Variants in KBTBD4 observed in about 807,000 individuals in gnomAD.
The protein encoded by KBTBD4 is kelch repeat and BTB domain containing 4, also known as kelch repeat and BTB domain-containing protein 4.
KBTBD4 carries 30 observed loss-of-function variants against 43.9 expected under a neutral mutation model. That is an observed-to-expected ratio of 0.68 (90% confidence interval 0.51 to 0.93). The LOEUF (loss-of-function observed/expected upper bound fraction) is 0.93. KBTBD4 is among the 40% of genes least tolerant of loss of function. The probability of loss-of-function intolerance (pLI) is 0.00; values close to 1 mark genes in which losing one functional copy is unlikely to be tolerated. For missense variants in KBTBD4, 575 were observed against 668.8 expected (o/e 0.86, Z 1.55); for synonymous variants, 258 against 256.9 (o/e 1.00, Z -0.04).
At chr11:47,578,122 G>A in intron 1 of KBTBD4, 94 bp from the exon 2 acceptor site, 1 of 1,441,640 alleles carries the variant, frequency 6.9e-7, no homozygotes, top group Non-Finnish European at 9.4e-7. Context: ...AGGAAGAAGT[G>A]AGAGCAAAGT....
Position 47,573,756 on chromosome 11 carries a change from C to T in KBTBD4, c.779G>A (p.Gly260Glu), listed in dbSNP as rs2097254243. 5.1e-6 allele frequency: 8 copies of T among 1,583,834 alleles called. No individual in the cohort carries two copies. The highest frequency in any genetic ancestry group is 6.9e-6 in the Non-Finnish European group (8 of 1,165,844). ...CGAGTGGGTACGAGATGACTCTTTCCCAATCAGGTAAATGTGCACATTCTC... is the reference window on the plus strand; with the variant it reads ...CGAGTGGGTACGAGATGACTCTTTCTCAATCAGGTAAATGTGCACATTCTC... ...IGENVHIYLIGKESSRTHSLA... is the reference protein window; with the variant it reads ...IGENVHIYLIEKESSRTHSLA... Residue 260 changes from glycine to glutamate, a missense_variant, in exon 4 of 4, where the codon GGG (glycine) becomes GAG (glutamate). Transcript: ENST00000430070. The surrounding 1 kb of genome is among the most constrained non-coding windows in gnomAD (Gnocchi z 4.1).
chr11:47,578,948 T>G lies in KBTBD4; in HGVS notation c.4A>C (p.Lys2Gln). Residue 2 changes from lysine to glutamine, a missense_variant, in exon 1 of 4, where the codon AAA becomes CAA. Physicochemically the swap from Lys to Gln is moderately conservative, Grantham distance 53. Coordinates refer to ENST00000430070, the MANE Select transcript of KBTBD4 (RefSeq NM_018095.6). ...GCTTTCTCACCTGCGTTCCCTCCTTTCATCCCGGAGCCCGGAACCTCCGCT... is the reference window on the plus strand; with the variant it reads ...GCTTTCTCACCTGCGTTCCCTCCTTGCATCCCGGAGCCCGGAACCTCCGCT... The part of the protein sequence containing the change: M[K>Q]GGNADSWQRE... 6.4e-7 allele frequency: 1 copy of G among 1,551,764 alleles called. No individual in the cohort carries two copies. The highest frequency in any genetic ancestry group is 8.7e-7 in the Non-Finnish European group (1 of 1,147,022).
chr11:47,573,682 C>T lies in KBTBD4; in HGVS notation c.853G>A (p.Gly285Ser). 6.2e-7 allele frequency: 1 copy of T among 1,611,676 alleles called. No homozygotes were observed. Among genetic ancestry groups the T allele is most frequent in the Non-Finnish European group, 8.5e-7 (1 of 1,180,026 alleles). ...CAEDDSISVS[G>S]QNSLCHQITA... Reference sequence around the variant, plus strand: ...ATCTGGTGGCACAAACTGTTTTGGCCACTTACACTGATGGAGTCATCTTCT... The same window carrying T: ...ATCTGGTGGCACAAACTGTTTTGGCTACTTACACTGATGGAGTCATCTTCT... Residue 285 changes from glycine (G) to serine (S), a missense_variant, in exon 4 of 4, where the codon GGC (glycine) becomes AGC (serine). Physicochemically the swap from Gly to Ser is moderately conservative, Grantham distance 56. Coordinates refer to ENST00000430070, the MANE Select transcript of KBTBD4 (RefSeq NM_018095.6). This position sits in a 1 kb window ranked among gnomAD's most constrained non-coding sequence, Gnocchi z 4.1.
chr11:47,576,799 C>T (rs2097260468), intron 2 of KBTBD4, among the ~76,000 whole-genome samples: 1 of 151,764 alleles, frequency 6.6e-6, no homozygotes, highest in Non-Finnish European at 1.5e-5. Flanking sequence ...CCTCAGCCTT[C>T]CCAAGTAGCT....
chr11:47,576,586 T>G (rs1233826397), intron 2 of KBTBD4: 1 of 151,744 alleles, frequency 6.6e-6, no homozygotes, highest in Non-Finnish European at 1.5e-5. Flanking sequence ...GAAACCAGAG[T>G]ATGTGCCTTG....
rs541644716 is a variant in KBTBD4 at position 47,573,092 on chromosome 11, G to A, written c.1443C>T (p.Ser481=). ...CGTTACAGCTGGCAATCTTCCAGAG[G>A]GATGGGGCAGAGCTCCAGGCCTCAG... is the stretch of plus-strand genomic sequence containing the variant. ...CLPEAWSSAP[S]LWKIASCNGS... is the part of the protein sequence containing the mutation. The change falls in exon 4 of 4, where the codon TCC becomes TCT. Residue 481 remains serine, a synonymous_variant. Transcript: ENST00000430070. This position sits in a 1 kb window ranked among gnomAD's most constrained non-coding sequence, Gnocchi z 4.1. The A allele has an allele frequency of 6.2e-7, 1 of 1,614,224 alleles. No homozygotes were observed. The highest frequency in any genetic ancestry group is 1.1e-5 in the South Asian group (1 of 91,086).
At position 47,577,879 on chromosome 11, in the gene KBTBD4, C is replaced by T. The variant is rs771939833; in HGVS notation, c.169G>A (p.Glu57Lys). ...ATGGTGACATCAGCAAAGAGCTCCT[C>T]CTCTAGACACAGTTTCATGATGCCT... is the stretch of plus-strand genomic sequence containing the variant. ...AQGIMKLCLE[E>K]ELFADVTISV... The change falls in exon 2 of 4, where the codon GAG becomes AAG. Residue 57 changes from glutamate to lysine, a missense_variant. Transcript: ENST00000430070. The T allele has an allele frequency of 1.2e-6, 2 of 1,614,222 alleles. No individual in the cohort carries two copies. Among genetic ancestry groups the T allele is most frequent in the South Asian group, 2.2e-5 (2 of 91,088 alleles).
At chr11:47,576,886 A>G (rs1176363778) in intron 2 of KBTBD4, among the ~76,000 whole-genome samples, 1 of 151,900 alleles carries the variant, frequency 6.6e-6, no homozygotes, top group Non-Finnish European at 1.5e-5. Flanking sequence ...CATGTTGGCC[A>G]GGGTGGTCTT....
Position 47,573,254 on chromosome 11 carries a change from A to T in KBTBD4, c.1281T>A (p.His427Gln). The stretch of plus-strand genomic sequence containing the variant: ...CAAAGGGCAGCACATAGGGCTTCAC[A>T]TGGCATTTGTCTGTCTCTGTGTCAA... ...QCFDTETDKC[H>Q]VKPYVLPFAG... Residue 427 changes from histidine (H) to glutamine (Q), a missense_variant, in exon 4 of 4, where the codon CAT becomes CAA. Transcript: ENST00000430070. The surrounding 1 kb of genome is among the most constrained non-coding windows in gnomAD (Gnocchi z 4.1). 6.2e-7 allele frequency: 1 copy of T among 1,614,128 alleles called. No homozygotes were observed. The highest frequency in any genetic ancestry group is 8.5e-7 in the Non-Finnish European group (1 of 1,180,024).
intron 2 of KBTBD4, among the ~76,000 whole-genome samples, chr11:47,576,913 G>A (rs1483252683): frequency 6.6e-6 from 1 of 151,998 alleles, no homozygotes; most frequent in Non-Finnish European, 1.5e-5. Context: ...CTGACCTCAG[G>A]TGATCCACCC....
rs200102394 is a variant in KBTBD4, at chr11:47,573,163, C to A, written c.1372G>T (p.Val458Leu). The A allele has an allele frequency of 8.9e-5, 144 of 1,614,078 alleles. No homozygotes were observed. Among genetic ancestry groups the A allele is most frequent in the Non-Finnish European group, 1.2e-4 (137 of 1,180,038 alleles). The change falls in exon 4 of 4, where the codon GTG becomes TTG. Residue 458 changes from valine to leucine, a missense_variant. Coordinates refer to ENST00000430070, the MANE Select transcript of KBTBD4 (RefSeq NM_018095.6). The surrounding 1 kb of genome is among the most constrained non-coding windows in gnomAD (Gnocchi z 4.1). ...CTGTCTAGCAAGGGATTGTAGCACACCAGGGAGTCCCCTTCAGCCACGATG... is the reference window on the plus strand; with the variant it reads ...CTGTCTAGCAAGGGATTGTAGCACAACAGGGAGTCCCCTTCAGCCACGATG... ...VFIVAEGDSL[V>L]CYNPLLDSFT...
At position 47,573,365 on chromosome 11, in the gene KBTBD4, G is replaced by A. The variant is rs372227345; in HGVS notation, c.1170C>T (p.Ala390=). The A allele has an allele frequency of 5.6e-6, 9 of 1,614,048 alleles. No individual in the cohort carries two copies. In the African/African-American group the frequency reaches 1.2e-4, roughly 22 times the overall value. Residue 390 remains alanine, a synonymous_variant, in exon 4 of 4, where the codon GCC becomes GCT. Transcript: ENST00000430070. The surrounding 1 kb of genome is among the most constrained non-coding windows in gnomAD (Gnocchi z 4.1). Reference sequence around the variant, plus strand: ...GTAAGTAGATGATCCCGTTGAGGTTGGCACCAGCAGCCCCTGACACAGCCA... The same window carrying A: ...GTAAGTAGATGATCCCGTTGAGGTTAGCACCAGCAGCCCCTGACACAGCCA... ...LEVAVSGAAG[A]NLNGIIYLLG...
chr11:47,575,817 ACATG>A, intron 2 of KBTBD4, 118 bp from the exon 3 acceptor site: 2 of 630,868 alleles, frequency 3.2e-6, no homozygotes, highest in Non-Finnish European at 5.6e-6. Flanking sequence ...GTATATGTGT[ACATG>A]CATACATACA....
Position 47,575,656 on chromosome 11 carries a change from G to A in KBTBD4, c.681C>T (p.Ala227=). 6.2e-7 allele frequency: 1 copy of A among 1,613,562 alleles called. No homozygotes were observed. ...TTTCCTCTTTATTAAAGTTGATCCA[G>A]GCTTCTATTGCCTCTGTTGGGTTCT... The part of the protein sequence containing the change: ...CSQNPTEAIE[A]WINFNKEERE... The change falls in exon 3 of 4, where the codon GCC becomes GCT. Residue 227 remains alanine (A), a synonymous_variant. Transcript: ENST00000430070.
In KBTBD4 at chr11:47,573,397, G is replaced by C. The variant is rs2097253302; in HGVS notation, c.1138C>G (p.Leu380Val). 3.7e-6 allele frequency: 6 copies of C among 1,614,204 alleles called. No individual in the cohort carries two copies. The highest frequency in any genetic ancestry group is 5.1e-6 in the Non-Finnish European group (6 of 1,180,040). The change falls in exon 4 of 4, where the codon CTA (leucine) becomes GTA (valine). Residue 380 changes from leucine (L) to valine (V), a missense_variant. Coordinates refer to ENST00000430070, the MANE Select transcript of KBTBD4 (RefSeq NM_018095.6). This position sits in a 1 kb window ranked among gnomAD's most constrained non-coding sequence, Gnocchi z 4.1. ...GDNVWTETTQ[L>V]EVAVSGAAGA... ...GCAGCCCCTGACACAGCCACCTCTA[G>C]CTGAGTTGTCTCTGTCCACACATTA...
intron 2 of KBTBD4, 46 bp from the exon 3 acceptor site, chr11:47,575,745 G>T (rs1179332834): frequency 1.6e-6 from 2 of 1,255,208 alleles, no homozygotes; most frequent in South Asian, 1.3e-5. Context: ...ATCCGAAAGA[G>T]AAATTCAGAG....
At chr11:47,575,749 T>C (rs2153793932) in intron 2 of KBTBD4, 50 bp from the exon 3 acceptor site, 1 of 1,254,514 alleles carries the variant, frequency 8.0e-7, no homozygotes, top group Non-Finnish European at 1.1e-6. Context: ...GAAAGAGAAA[T>C]TCAGAGTAAG....
chr11:47,577,287 A>G, intron 2 of KBTBD4, 124 bp downstream of exon 2: 2 of 946,376 alleles, frequency 2.1e-6, no homozygotes, highest in Admixed American at 2.9e-5. Context: ...TCTCAGTAAG[A>G]ATGCAGGAAT....
rs1193871242 is a variant in KBTBD4, at chr11:47,573,469, G to C, written c.1066C>G (p.Leu356Val). Residue 356 changes from leucine to valine, a missense_variant, in exon 4 of 4, where the codon CTG becomes GTG. By Grantham distance (32) the Leu-to-Val change is conservative. Coordinates refer to ENST00000430070, the MANE Select transcript of KBTBD4 (RefSeq NM_018095.6). The surrounding 1 kb of genome is among the most constrained non-coding windows in gnomAD (Gnocchi z 4.1). ...ACTGCGTTGGAGAGGGTATCTTGCA[G>C]TGTCTTGCCACCCAGTGAATATATG... ...DAIYSLGGKT[L>V]QDTLSNAVIY... The C allele has an allele frequency of 6.2e-7, 1 of 1,614,222 alleles. No individual in the cohort carries two copies. The highest frequency in any genetic ancestry group is 8.5e-7 in the Non-Finnish European group (1 of 1,180,040).
Sources: gnomAD v4.1 joint callset for allele counts (sites outside exome capture counted in the v4.1 genomes callset) on GRCh38, gnomAD v4.1.1 for gene constraint, Gnocchi (gnomAD v3.1) non-coding constraint, MANE v1.5 for transcripts, NCBI Gene and HGNC (gene_info 2026-07-23, HGNC 2026-07-21) for gene names.